SLTM: variants seen among roughly 807,000 people sequenced by gnomAD.
SLTM encodes the protein SAFB like transcription modulator, also known as SAFB-like transcription modulator.
A neutral mutation model predicts 134.6 loss-of-function variants in SLTM; 43 were observed. The observed-to-expected ratio is 0.32, with a 90% confidence interval of 0.25 to 0.41. The LOEUF (loss-of-function observed/expected upper bound fraction) is 0.41, where lower values mean the gene tolerates loss of function less well. Among genes scored for constraint, SLTM ranks in the 10% least tolerant of loss-of-function variants. The pLI is 1.00. For missense variants in SLTM, 1,055 were observed against 1,288.8 expected (o/e 0.82, Z 2.78); for synonymous variants, 424 against 432.3 (o/e 0.98, Z 0.24).
intron 19 of SLTM, among the ~76,000 whole-genome samples, chr15:58,886,215 AAGAGTGT>A (rs2034175121): frequency 1.5e-5 from 2 of 136,936 alleles, no homozygotes; most frequent in African/African-American, 2.8e-5. Flanking sequence ...GGAGAAAAAG[AAGAGTGT>A]GTGTGTGTGT....
At chr15:58,883,373 G>A (rs570744227) in intron 20 of SLTM, 48 of 460,680 alleles carry the variant, frequency 1.0e-4, no homozygotes, top group Admixed American at 7.9e-4. Context: ...CCTGCCATAC[G>A]TACATACCCA....
At chr15:58,901,090 AAATT>A (rs1238052711) in intron 6 of SLTM, 166 bp downstream of exon 6, 7 of 619,554 alleles carry the variant, frequency 1.1e-5, no homozygotes, top group South Asian at 2.0e-5. Flanking sequence ...GTTCAAAAGA[AAATT>A]AAAACCAATT....
chr15:58,896,732 C>A (rs2035109021), intron 9 of SLTM, among the ~76,000 whole-genome samples: 2 of 152,076 alleles, frequency 1.3e-5, no homozygotes, highest in African/African-American at 4.8e-5. Context: ...CCCCAGGCCC[C>A]CGTGAATTAT....
intron 5 of SLTM, among the ~76,000 whole-genome samples, chr15:58,908,827 A>C (rs1402067389): frequency 6.6e-6 from 1 of 152,046 alleles, no homozygotes; most frequent in East Asian, 2.0e-4. Flanking sequence ...AATATGTCTT[A>C]AAAAAATCTT....
At position 58,916,991 on chromosome 15, in the gene SLTM, G is replaced by GT; in HGVS notation, c.258dup (p.His87ThrfsTer2). On this transcript the variant is annotated frameshift_variant, in exon 3 of 21. Transcript: ENST00000380516. LOFTEE classifies it high-confidence loss of function. The stretch of plus-strand genomic sequence containing the variant: ...TCTCCACTCAACTCATCTGCTTCAT[G>GT]TTTTTTACCTGCGAAAGAAGGAAAA... 1 of 1,613,488 alleles carries GT rather than the reference G, an allele frequency of 6.2e-7. No individual in the cohort carries two copies. Among genetic ancestry groups the GT allele is most frequent in the Non-Finnish European group, 8.5e-7 (1 of 1,179,672 alleles).
chr15:58,887,420 T>C lies in SLTM; in HGVS notation c.2496A>G (p.Pro832=), dbSNP rs1363898784. 3.1e-6 allele frequency: 5 copies of C among 1,614,008 alleles called. No homozygotes were observed. The African/African-American group carries it at 5.3e-5, about 17-fold the overall frequency. ...ATTCTCTAAGTTCATTTCTTGGTGG[T>C]GGAGGCTCATTTCTTCTGGAGTCAC... ...NFSDSRRNEP[P]PPRNELRESD... The change falls in exon 18 of 21, where the codon CCA becomes CCG. Residue 832 remains proline, a synonymous_variant. Coordinates refer to ENST00000380516, the MANE Select transcript of SLTM (RefSeq NM_024755.4).
intron 3 of SLTM, among the ~76,000 whole-genome samples, chr15:58,915,046 C>T (rs1197337293): frequency 1.3e-5 from 2 of 152,062 alleles, no homozygotes; most frequent in Non-Finnish European, 2.9e-5. Flanking sequence ...CGAAAATTAG[C>T]CGGGCCTGGT....
chr15:58,903,834 A>G (rs2035671317), intron 5 of SLTM, among the ~76,000 whole-genome samples: 1 of 152,192 alleles, frequency 6.6e-6, no homozygotes, highest in Non-Finnish European at 1.5e-5. Flanking sequence ...AAAAAAGACG[A>G]AAAAAATGGA....
At chr15:58,898,540 C>G in intron 8 of SLTM, 1 of 353,978 alleles carries the variant, frequency 2.8e-6, no homozygotes, top group Non-Finnish European at 5.1e-6. Flanking sequence ...AACACAGTCC[C>G]TTAGAACACA....
chr15:58,899,894 A>T lies in SLTM; in HGVS notation c.633T>A (p.Pro211=). The T allele has an allele frequency of 6.2e-7, 1 of 1,613,922 alleles. No homozygotes were observed. The highest frequency in any genetic ancestry group is 1.7e-5 in the Admixed American group (1 of 60,020). Reference sequence around the variant, plus strand: ...CAGCTAGGCTCCCTTCTGAAGGAAGAGGTTTAGATACTTCTTGTGTACCAT... The same window carrying T: ...CAGCTAGGCTCCCTTCTGAAGGAAGTGGTTTAGATACTTCTTGTGTACCAT... ...SGDGTQEVSK[P]LPSEGSLAEA... Residue 211 remains proline (P), a synonymous_variant, in exon 7 of 21, where the codon CCT becomes CCA. Transcript: ENST00000380516. This position sits in a 1 kb window ranked among gnomAD's most constrained non-coding sequence, Gnocchi z 5.0.
At chr15:58,928,704 A>AT (rs201773703) in intron 2 of SLTM, among the ~76,000 whole-genome samples, 1,631 of 152,206 alleles carry the variant, frequency 0.011, 34 homozygotes, top group African/African-American at 0.038. Flanking sequence ...TCACCAAAGT[A>AT]TTTTTTCCAT....
chr15:58,919,560 A>G (rs1232147163), intron 2 of SLTM, among the ~76,000 whole-genome samples: 2 of 152,104 alleles, frequency 1.3e-5, no homozygotes, highest in Admixed American at 1.3e-4. Flanking sequence ...CAGGAGGGCA[A>G]GGCTGCAGTG....
intron 19 of SLTM, among the ~76,000 whole-genome samples, chr15:58,886,027 A>G (rs1294160468): frequency 6.6e-6 from 1 of 152,220 alleles, no homozygotes; most frequent in Non-Finnish European, 1.5e-5. Context: ...TCTAAAAGAT[A>G]AAGACACTTT....
chr15:58,888,355 A>G (rs1242811485), intron 17 of SLTM, 30 bp downstream of exon 17: 1 of 1,551,814 alleles, frequency 6.4e-7, no homozygotes, highest in Non-Finnish European at 8.7e-7. Context: ...AGGCTCATAA[A>G]ATAAATATAA....
At chr15:58,933,265 A>C in intron 1 of SLTM, 139 bp downstream of exon 1, 16 of 855,094 alleles carry the variant, frequency 1.9e-5, no homozygotes, top group Non-Finnish European at 2.4e-5. Context: ...CGCTCGCGGG[A>C]GCCGCCCCTG....
At chr15:58,919,489 A>C (rs891554152) in intron 2 of SLTM, among the ~76,000 whole-genome samples, 1 of 152,038 alleles carries the variant, frequency 6.6e-6, no homozygotes, top group Non-Finnish European at 1.5e-5. Flanking sequence ...AGTCCCAGCT[A>C]TTCGGGAGGC....
intron 12 of SLTM, 91 bp downstream of exon 12, chr15:58,893,730 T>A: frequency 7.3e-7 from 1 of 1,361,758 alleles, no homozygotes; most frequent in Non-Finnish European, 1.0e-6. Flanking sequence ...ACAAAGCTTA[T>A]ATCTGGATTA....
chr15:58,920,081 CAAG>C (rs1472467410), intron 2 of SLTM, among the ~76,000 whole-genome samples: 2 of 151,988 alleles, frequency 1.3e-5, no homozygotes, highest in African/African-American at 4.8e-5. Context: ...TTTGGGAGGC[CAAG>C]GAGGGCAGAT....
intron 10 of SLTM, 120 bp from the exon 11 acceptor site, chr15:58,894,313 T>C: frequency 1.4e-6 from 2 of 1,447,802 alleles, no homozygotes; most frequent in South Asian, 1.2e-5. Flanking sequence ...GAGTAAAAAC[T>C]ACAAATACAT....
Sources: allele counts gnomAD v4.1 joint callset (sites outside exome capture counted in the v4.1 genomes callset), GRCh38; gene constraint gnomAD v4.1.1; non-coding constraint Gnocchi (gnomAD v3.1); transcripts MANE v1.5; gene names NCBI Gene and HGNC (gene_info 2026-07-23, HGNC 2026-07-21).